The following TNFSF14 variants were observed in gnomAD, a reference collection of about 807,000 sequenced individuals.
TNFSF14 encodes the protein TNF superfamily member 14.
Under a neutral mutation model 22.7 loss-of-function variants are expected in TNFSF14, and 15 were observed. That is an observed-to-expected ratio of 0.66 (90% CI 0.44 to 1.02). The LOEUF (loss-of-function observed/expected upper bound fraction) is 1.02, where lower values mean the gene tolerates loss of function less well. Ranked by LOEUF, TNFSF14 falls within the 50% of genes least tolerant of loss-of-function variation. TNFSF14 has a pLI of 0.00. For synonymous variants in TNFSF14, 133 were observed against 139.6 expected, an observed-to-expected ratio of 0.95 and a Z score of 0.33; for missense variants, 287 against 326.2, an observed-to-expected ratio of 0.88 and a Z score of 0.93.
chr19:6,670,297 C>A, upstream of TNFSF14: 1 of 1,396,756 alleles, frequency 7.2e-7, no homozygotes, highest in Non-Finnish European at 9.3e-7. Context: ...GACTCTCACA[C>A]TTTCCAGAGG....
chr19:6,665,675 C>T (rs1917399797), intron 3 of TNFSF14, among the ~76,000 whole-genome samples: 1 of 152,114 alleles, frequency 6.6e-6, no homozygotes, highest in African/African-American at 2.4e-5. Flanking sequence ...TCCCAGAGTG[C>T]TGGGATTACA....
rs1351347291 is a variant in TNFSF14, at chr19:6,663,330, G to A, written c.*1596C>T. On this transcript the variant is annotated 3_prime_UTR_variant, in exon 4 of 4. Transcript: ENST00000675206. ...GTGATGTGTGTGTCATTGTGATGTT[G>A]TGTGTGTGTAATGTTGTGTTTGTCA... 6.9e-6 allele frequency: 1 copy of A among 143,960 alleles called. No homozygotes were observed. The highest frequency in any genetic ancestry group is 6.9e-5 in the Admixed American group (1 of 14,550). 8.9% of individuals were successfully genotyped at this position (143,960 alleles called of 1,614,324 possible).
Position 6,662,188 on chromosome 19 carries a change from C to T in TNFSF14, c.*2738G>A, listed in dbSNP as rs1462174095. On this transcript the variant is annotated 3_prime_UTR_variant, in exon 4 of 4. Coordinates refer to ENST00000675206, the MANE Select transcript of TNFSF14 (RefSeq NM_001376887.1). ...GGGGTTACAGGTGCCCCCCACCACA[C>T]CCAGGTAATTTTTTGTATTTTTAGT... 5 of 152,290 alleles carry T rather than the reference C, an allele frequency of 3.3e-5. No individual in the cohort carries two copies. Among genetic ancestry groups the T allele is most frequent in the Non-Finnish European group, 5.9e-5 (4 of 68,136 alleles). The allele number at this position is 152,290 out of a possible 1,614,324, so 9.4% of individuals were successfully genotyped here.
chr19:6,662,933 A>G lies in TNFSF14; in HGVS notation c.*1993T>C, dbSNP rs574198492. 4 of 152,292 alleles carry G rather than the reference A, an allele frequency of 2.6e-5. No homozygotes were observed. The highest frequency in any genetic ancestry group is 9.6e-5 in the African/African-American group (4 of 41,534). The allele number at this position is 152,292 out of a possible 1,614,324, so 9.4% of individuals were successfully genotyped here. ...CTCTGGTTTCCCCCACATTTCCTGC[A>G]TGGACTTGAGCCAACTGGGTCCAGG... On this transcript the variant is annotated 3_prime_UTR_variant, in exon 4 of 4. Transcript: ENST00000675206.
chr19:6,665,815 GTGTGTT>G (rs1391894115), intron 3 of TNFSF14, among the ~76,000 whole-genome samples: 3 of 151,112 alleles, frequency 2.0e-5, no homozygotes, highest in East Asian at 1.9e-4. Flanking sequence ...GTGTGTGTGT[GTGTGTT>G]TGTAGAGGTG....
Position 6,669,994 on chromosome 19 carries a change from G to A in TNFSF14, c.76C>T (p.Arg26Ter), listed in dbSNP as rs1314864954. The change falls in exon 1 of 4, where the codon CGA becomes TGA. Residue 26 changes from arginine to a stop codon, truncating the protein, a stop_gained. Coordinates refer to ENST00000675206, the MANE Select transcript of TNFSF14 (RefSeq NM_001376887.1). LOFTEE classifies it high-confidence loss of function. ...CTGCACGACTGTCTCCGGTGGCTTC[G>A]TCCCAGCCTCGTGAATGGGATGTCG... Reference protein sequence around the residue: ...QTDIPFTRLGRSHRRQSCSVA... With the variant: ...QTDIPFTRLG The A allele has an allele frequency of 5.6e-6, 9 of 1,614,110 alleles. No individual in the cohort carries two copies. Among genetic ancestry groups the A allele is most frequent in the South Asian group, 1.1e-5 (1 of 91,074 alleles).
Position 6,664,956 on chromosome 19 carries a change from G to A in TNFSF14, c.693C>T (p.Thr231=). 2 of 1,605,938 alleles carry A rather than the reference G, an allele frequency of 1.2e-6. No homozygotes were observed. Among genetic ancestry groups the A allele is most frequent in the Non-Finnish European group, 1.7e-6 (2 of 1,173,792 alleles). The change falls in exon 4 of 4, where the codon ACC becomes ACT. Residue 231 remains threonine, a synonymous_variant. Coordinates refer to ENST00000675206, the MANE Select transcript of TNFSF14 (RefSeq NM_001376887.1). This position sits in a 1 kb window ranked among gnomAD's most constrained non-coding sequence, Gnocchi z 4.7. ...DERLVRLRDG[T]RSYFGAFMV The stretch of plus-strand genomic sequence containing the variant: ...CCATGAAAGCCCCGAAGTAAGACCG[G>A]GTACCATCACGCAGTCGAACCAGGC...
rs1917254122 is a variant in TNFSF14, at chr19:6,661,880, A to G, written c.*3046T>C. ...GAGAGATACCTATCTGGCATGTGAGAAAATGATATATAGCTACTGACGGGG... is the reference window on the plus strand; with the variant it reads ...GAGAGATACCTATCTGGCATGTGAGGAAATGATATATAGCTACTGACGGGG... On this transcript the variant is annotated 3_prime_UTR_variant, in exon 4 of 4. Transcript: ENST00000675206. 6.6e-6 allele frequency: 1 copy of G among 152,264 alleles called. No individual in the cohort carries two copies. The highest frequency in any genetic ancestry group is 1.5e-5 in the Non-Finnish European group (1 of 68,052). 9.4% of individuals were successfully genotyped at this position (152,264 alleles called of 1,614,324 possible). A position where few individuals can be genotyped will look rare whatever the true frequency, so the allele number is the denominator to read the frequency against.
chr19:6,667,000 CTG>C (rs1309033060), intron 3 of TNFSF14, 111 bp downstream of exon 3: 1 of 1,171,104 alleles, frequency 8.5e-7, no homozygotes, highest in Non-Finnish European at 1.2e-6. Flanking sequence ...CTGAGCAACT[CTG>C]TGAGTAAATA....
At position 6,664,874 on chromosome 19, in the gene TNFSF14, C is replaced by T. The variant is rs1260065680; in HGVS notation, c.*52G>A. ...TGAGTTTTCTTTCCCCTGAGGCACC[C>T]TCTGAGTTCTCCACGTGTCAGACCC... On this transcript the variant is annotated 3_prime_UTR_variant, in exon 4 of 4. Coordinates refer to ENST00000675206, the MANE Select transcript of TNFSF14 (RefSeq NM_001376887.1). This position sits in a 1 kb window ranked among gnomAD's most constrained non-coding sequence, Gnocchi z 4.7. 1.3e-6 allele frequency: 2 copies of T among 1,529,652 alleles called. No individual in the cohort carries two copies. The highest frequency in any genetic ancestry group is 1.2e-5 in the South Asian group (1 of 80,004). 94.8% of individuals were successfully genotyped at this position (1,529,652 alleles called of 1,614,324 possible). A position where few individuals can be genotyped will look rare whatever the true frequency, so the allele number is the denominator to read the frequency against.
At chr19:6,667,229 T>C (rs1917457852) in intron 2 of TNFSF14, 75 bp from the exon 3 acceptor site, 17 of 1,474,154 alleles carry the variant, frequency 1.2e-5, no homozygotes, top group Non-Finnish European at 1.5e-5. Flanking sequence ...GGCCACCGTG[T>C]ACACCTCCTG....
At chr19:6,670,264 C>CCTGTCCCTGTCT, upstream of TNFSF14, 1 of 1,433,184 alleles carries the variant, frequency 7.0e-7, no homozygotes, top group Middle Eastern at 2.6e-4. Flanking sequence ...CGGTCTTGGC[C>CCTGTCCCTGTCT]CTGTCTCACT....
chr19:6,670,052 T>C lies in TNFSF14; in HGVS notation c.18A>G (p.Val6=), dbSNP rs747638544. 16 of 1,613,956 alleles carry C rather than the reference T, an allele frequency of 9.9e-6. No homozygotes were observed. The highest frequency in any genetic ancestry group is 1.4e-5 in the Non-Finnish European group (16 of 1,179,986). Residue 6 remains valine, a synonymous_variant, in exon 1 of 4, where the codon GTA becomes GTG. Transcript: ENST00000675206. MEESV[V]RPSVFVVDGQ... ...CATCCACCACAAACACTGAGGGCCG[T>C]ACGACACTCTCCTCCATGCCCAAGG... is the stretch of plus-strand genomic sequence containing the variant.
At position 6,664,832 on chromosome 19, in the gene TNFSF14, G is replaced by C. The variant is rs369516171; in HGVS notation, c.*94C>G. On this transcript the variant is annotated 3_prime_UTR_variant, in exon 4 of 4. Transcript: ENST00000675206. This position sits in a 1 kb window ranked among gnomAD's most constrained non-coding sequence, Gnocchi z 4.7. ...TGGGATTACAGGCGAGAGCCACCAC[G>C]CCCAGCCTCTGCTTCGTGAGTTTTC... is the stretch of plus-strand genomic sequence containing the variant. The C allele has an allele frequency of 1.4e-6, 2 of 1,468,110 alleles. No homozygotes were observed. Among genetic ancestry groups the C allele is most frequent in the Admixed American group, 2.1e-5 (1 of 46,604 alleles). 90.9% of individuals were successfully genotyped at this position (1,468,110 alleles called of 1,614,324 possible).
chr19:6,665,270 T>TGAGGCCCCTCAGGAAGGC lies in TNFSF14; in HGVS notation c.361_378dup (p.Ala121_Leu126dup). The TGAGGCCCCTCAGGAAGGC allele has an allele frequency of 6.2e-7, 1 of 1,613,624 alleles. No homozygotes were observed. The highest frequency in any genetic ancestry group is 8.5e-7 in the Non-Finnish European group (1 of 1,179,922). ...ACCACAAGGGCCCCATCGTGGTAGC[T>TGAGGCCCCTCAGGAAGGC]GAGGCCCCTCAGGAAGGCCAGGCCC... is the stretch of plus-strand genomic sequence containing the variant. On this transcript the variant is annotated inframe_insertion, in exon 4 of 4. Coordinates refer to ENST00000675206, the MANE Select transcript of TNFSF14 (RefSeq NM_001376887.1).
intron 1 of TNFSF14, among the ~76,000 whole-genome samples, chr19:6,667,963 C>G (rs1345875726): frequency 6.6e-6 from 1 of 151,946 alleles, no homozygotes; most frequent in African/African-American, 2.4e-5. Flanking sequence ...ATCGCTTGAA[C>G]CTGGGAGGTT....
chr19:6,665,679 G>A (rs924208368), intron 3 of TNFSF14, among the ~76,000 whole-genome samples: 6 of 152,130 alleles, frequency 3.9e-5, no homozygotes, highest in Non-Finnish European at 8.8e-5. Flanking sequence ...AGAGTGCTGG[G>A]ATTACAGGTG....
chr19:6,666,115 G>A (rs1005253410), intron 3 of TNFSF14, among the ~76,000 whole-genome samples: 1 of 152,102 alleles, frequency 6.6e-6, no homozygotes, highest in African/African-American at 2.4e-5. Flanking sequence ...AAACTTGGCT[G>A]GGTGTGGCGT....
At position 6,667,427 on chromosome 19, in the gene TNFSF14, TC is replaced by T. The variant is rs1444333542; in HGVS notation, c.241del (p.Glu81SerfsTer3). 6.4e-7 allele frequency: 1 copy of T among 1,555,136 alleles called. No individual in the cohort carries two copies. The highest frequency in any genetic ancestry group is 1.2e-5 in the South Asian group (1 of 81,854). On this transcript the variant is annotated frameshift_variant, in exon 2 of 4. Transcript: ENST00000675206. LOFTEE classifies it high-confidence loss of function. Reference sequence around the variant, plus strand: ...CCCTGACTCACCTTGTATCAGCTGCTCCCAGGAGCCTGCAGGTCCGTCCTGA... The same window carrying T: ...CCCTGACTCACCTTGTATCAGCTGCTCCAGGAGCCTGCAGGTCCGTCCTGA... ...RLPDGPAGSW[E>X]QLIQERRSHE...
Sources: gnomAD v4.1 joint callset for allele counts (sites outside exome capture counted in the v4.1 genomes callset) on GRCh38, gnomAD v4.1.1 for gene constraint, Gnocchi (gnomAD v3.1) non-coding constraint, MANE v1.5 for transcripts, NCBI Gene and HGNC (gene_info 2026-07-23, HGNC 2026-07-21) for gene names.